The following KIFC1 variants were observed in gnomAD, a reference collection of about 807,000 sequenced individuals.
KIFC1 encodes kinesin-like protein KIFC1.
A neutral mutation model predicts 66.6 loss-of-function variants in KIFC1; 37 were observed. The ratio of observed to expected loss-of-function variants is 0.56; its 90% CI spans 0.43 to 0.73. The LOEUF is 0.73. KIFC1 is among the 30% of genes least tolerant of loss of function. The pLI is 0.00. For missense variants in KIFC1, 721 were observed against 859.8 expected (o/e 0.84, Z 2.02); for synonymous variants, 325 against 343.5 (o/e 0.95, Z 0.60).
chr6:33,394,123 A>G (rs551387581), intron 1 of KIFC1, among the ~76,000 whole-genome samples: 30 of 152,270 alleles, frequency 2.0e-4, no homozygotes, highest in Non-Finnish European at 3.7e-4. Context: ...GCTGCTAGGC[A>G]TCTGACAGTG....
chr6:33,392,281 C>T (rs1297728152), intron 1 of KIFC1, among the ~76,000 whole-genome samples: 1 of 152,244 alleles, frequency 6.6e-6, no homozygotes, highest in Non-Finnish European at 1.5e-5. Flanking sequence ...TTCGAATTCT[C>T]AGGCTCGTCT....
intron 1 of KIFC1, among the ~76,000 whole-genome samples, chr6:33,395,377 T>C (rs1774982764): frequency 6.6e-6 from 1 of 152,122 alleles, no homozygotes. Flanking sequence ...GCTGGAGGAA[T>C]GTTCCTGAAA....
At chr6:33,393,143 C>T (rs765808392) in intron 1 of KIFC1, among the ~76,000 whole-genome samples, 5 of 151,940 alleles carry the variant, frequency 3.3e-5, no homozygotes, top group Admixed American at 2.0e-4. Context: ...GTGAGGGAGA[C>T]AGACAAGCAG....
intron 3 of KIFC1, among the ~76,000 whole-genome samples, chr6:33,402,358 T>C (rs1283380024): frequency 6.6e-6 from 1 of 152,194 alleles, no homozygotes; most frequent in African/African-American, 2.4e-5. Context: ...GAAATGTCAT[T>C]ATGGGCACAT....
At chr6:33,392,330 T>C (rs965185426) in intron 1 of KIFC1, among the ~76,000 whole-genome samples, 1 of 152,254 alleles carries the variant, frequency 6.6e-6, no homozygotes, top group African/African-American at 2.4e-5. Context: ...CAGGGTGTGA[T>C]TGCAGTGTGT....
intron 1 of KIFC1, among the ~76,000 whole-genome samples, chr6:33,395,914 C>T (rs1309056429): frequency 6.6e-6 from 1 of 151,956 alleles, no homozygotes; most frequent in Non-Finnish European, 1.5e-5. Context: ...TTATAGAAGC[C>T]AATGGTATGG....
Position 33,401,704 on chromosome 6 carries a change from CTT to C in KIFC1, c.251-1596_251-1595del, listed in dbSNP as rs9280440. 1.0e-3 allele frequency among the ~76,000 whole-genome samples: 132 copies of C among 129,806 alleles called. No homozygotes were observed. The highest frequency in any genetic ancestry group is 1.0e-3 in the Admixed American group (13 of 12,940). 85.2% of individuals were successfully genotyped at this position (129,806 alleles called of 152,430 possible). On this transcript the variant is annotated intron_variant, in intron 3 of 10. Transcript: ENST00000428849. The surrounding 1 kb of genome is among the most constrained non-coding windows in gnomAD (Gnocchi z 4.5). The stretch of plus-strand genomic sequence containing the variant: ...ATAACAATGCTTTCTTCTGGATTGC[CTT>C]TTTTTTTTTTTTTGAGACGGAGTCT...
chr6:33,405,604 A>G lies in KIFC1; in HGVS notation c.1509A>G (p.Arg503=). Residue 503 remains arginine, a synonymous_variant, in exon 7 of 11, where the codon CGA becomes CGG. Transcript: ENST00000428849. This position sits in a 1 kb window ranked among gnomAD's most constrained non-coding sequence, Gnocchi z 5.4. The part of the protein sequence containing the change: ...GSEELTVTNA[R]YVPVSCEKEV... ...AGGAGCTCACTGTCACCAATGCTCG[A>G]TATGTCCCTGTCTCCTGTGAGAAAG... The G allele has an allele frequency of 6.5e-7, 1 of 1,535,642 alleles. No individual in the cohort carries two copies. Among genetic ancestry groups the G allele is most frequent in the Non-Finnish European group, 8.7e-7 (1 of 1,144,756 alleles).
In KIFC1 at chr6:33,406,848, C is replaced by G. The variant is rs754463668; in HGVS notation, c.1950C>G (p.Ser650=). 21 of 1,614,036 alleles carry G rather than the reference C, an allele frequency of 1.3e-5. No individual in the cohort carries two copies. In the East Asian group the frequency reaches 4.5e-4, roughly 34 times the overall value. Residue 650 remains serine, a synonymous_variant, in exon 10 of 11, where the codon TCC becomes TCG. Transcript: ENST00000428849. This position sits in a 1 kb window ranked among gnomAD's most constrained non-coding sequence, Gnocchi z 4.5. ...CACTGGAAGAGAACGTCTCCGAGTC[C>G]CTCAACTCTCTACGCTTTGCCTCCA... ...ISPLEENVSE[S]LNSLRFASKV...
chr6:33,395,065 A>G (rs921890562), intron 1 of KIFC1, among the ~76,000 whole-genome samples: 1 of 152,182 alleles, frequency 6.6e-6, no homozygotes, highest in African/African-American at 2.4e-5. Context: ...AAATGAAGAT[A>G]AAGAATTGAC....
chr6:33,395,843 C>A (rs1162793909), intron 1 of KIFC1, among the ~76,000 whole-genome samples: 1 of 152,164 alleles, frequency 6.6e-6, no homozygotes, highest in Non-Finnish European at 1.5e-5. Context: ...AATAAGCTTT[C>A]TTTGTGCACA....
chr6:33,409,739 G>C lies in KIFC1; in HGVS notation c.*49G>C. On this transcript the variant is annotated 3_prime_UTR_variant, in exon 11 of 11. Coordinates refer to ENST00000428849, the MANE Select transcript of KIFC1 (RefSeq NM_002263.4). ...TGTGTGTGTGTGTGTGTGTGTGTGT[G>C]TGTGTGTGTGTGTGTCCCTATGTCT... is the stretch of plus-strand genomic sequence containing the variant. The C allele has an allele frequency of 4.3e-6, 6 of 1,384,344 alleles. No homozygotes were observed. Among genetic ancestry groups the C allele is most frequent in the Non-Finnish European group, 6.0e-6 (6 of 999,532 alleles). 85.8% of individuals were successfully genotyped at this position (1,384,344 alleles called of 1,614,324 possible).
rs189916855 is a variant in KIFC1, at chr6:33,399,992, C to A, written c.250+1605C>A. 1.5e-4 allele frequency: 89 copies of A among 593,258 alleles called. 2 individuals are homozygous for A. Among genetic ancestry groups the A allele is most frequent in the South Asian group, 7.8e-4 (37 of 47,638 alleles). 36.7% of individuals were successfully genotyped at this position (593,258 alleles called of 1,614,324 possible). A position where few individuals can be genotyped will look rare whatever the true frequency, so the allele number is the denominator to read the frequency against. On this transcript the variant is annotated intron_variant, in intron 3 of 10. Transcript: ENST00000428849. ...GCCAAGGCTGATGTAACATTTTAAT[C>A]TTTTTTTAACTTTTTTTTTTCGACC...
chr6:33,407,355 G>A (rs1775715347), intron 10 of KIFC1, among the ~76,000 whole-genome samples: 1 of 152,192 alleles, frequency 6.6e-6, no homozygotes, highest in Middle Eastern at 3.2e-3. Context: ...GCTGCAGTGA[G>A]CCGTGATCCT....
chr6:33,406,133 C>T lies in KIFC1; in HGVS notation c.1537-63C>T. The T allele has an allele frequency of 2.1e-6, 3 of 1,461,264 alleles. No individual in the cohort carries two copies. Among genetic ancestry groups the T allele is most frequent in the South Asian group, 2.6e-5 (2 of 75,506 alleles). The allele number at this position is 1,461,264 out of a possible 1,614,324, so 90.5% of individuals were successfully genotyped here. ...GGTGGGGGTGGGCTCTTATTCATTT[C>T]CATACATATTACTATGTACTGACTT... On this transcript the variant is annotated intron_variant, in intron 7 of 10. Transcript: ENST00000428849. This position sits in a 1 kb window ranked among gnomAD's most constrained non-coding sequence, Gnocchi z 4.5.
At chr6:33,391,788 C>A, upstream of KIFC1, 1 of 682,666 alleles carries the variant, frequency 1.5e-6, no homozygotes, top group South Asian at 1.7e-5. Flanking sequence ...TTGGTCCCTG[C>A]GTGCAGAGCG....
At position 33,401,983 on chromosome 6, in the gene KIFC1, GC is replaced by G. The variant is rs1363623386; in HGVS notation, c.251-1330del. Among the ~76,000 whole-genome samples the G allele has an allele frequency of 1.3e-5, 2 of 152,188 alleles. No homozygotes were observed. Among genetic ancestry groups the G allele is most frequent in the African/African-American group, 4.8e-5 (2 of 41,438 alleles). ...GCCTCCCAAAGTGCTGGGATTACAG[GC>G]GTGAGCCACAGTGCCTGGCCTGGAA... On this transcript the variant is annotated intron_variant, in intron 3 of 10. Transcript: ENST00000428849. The surrounding 1 kb of genome is among the most constrained non-coding windows in gnomAD (Gnocchi z 4.5).
In KIFC1 at chr6:33,405,709, AG is replaced by A; in HGVS notation, c.1536+80del. The A allele has an allele frequency of 7.5e-7, 1 of 1,339,084 alleles. No homozygotes were observed. The highest frequency in any genetic ancestry group is 9.8e-7 in the Non-Finnish European group (1 of 1,017,962). The allele number at this position is 1,339,084 out of a possible 1,614,324, so 83.0% of individuals were successfully genotyped here. On this transcript the variant is annotated intron_variant, in intron 7 of 10. Coordinates refer to ENST00000428849, the MANE Select transcript of KIFC1 (RefSeq NM_002263.4). This position sits in a 1 kb window ranked among gnomAD's most constrained non-coding sequence, Gnocchi z 5.4. ...CCACGAGATGGAGGTAGAGGGAGAAAGGAGCAAGAGAGAATTGAAGGATGAA... is the reference window on the plus strand; with the variant it reads ...CCACGAGATGGAGGTAGAGGGAGAAAGAGCAAGAGAGAATTGAAGGATGAA...
At chr6:33,398,204 G>C (rs777888749) in intron 2 of KIFC1, 38 bp downstream of exon 2, 9 of 1,611,014 alleles carry the variant, frequency 5.6e-6, no homozygotes, top group Non-Finnish European at 7.6e-6. Context: ...GTGTGTGGGG[G>C]GTGTGTGTGT....
Sources: allele counts gnomAD v4.1 joint callset (sites outside exome capture counted in the v4.1 genomes callset), GRCh38; gene constraint gnomAD v4.1.1; non-coding constraint Gnocchi (gnomAD v3.1); transcripts MANE v1.5; gene names NCBI Gene and HGNC (gene_info 2026-07-23, HGNC 2026-07-21).